The following SECISBP2L variants were observed in gnomAD, a reference collection of about 807,000 sequenced individuals.
SECISBP2L encodes the protein SECIS binding protein 2 like.
In SECISBP2L, 43 loss-of-function variants were observed where a neutral mutation model predicts 114.7. The ratio of observed to expected loss-of-function variants is 0.38; its 90% CI spans 0.29 to 0.48. SECISBP2L has a LOEUF of 0.48. SECISBP2L is among the 20% of genes least tolerant of loss of function. The probability of loss-of-function intolerance (pLI) is 0.98; values close to 1 mark genes in which losing one functional copy is unlikely to be tolerated. For missense variants in SECISBP2L, 1,136 were observed against 1,301.1 expected, an observed-to-expected ratio of 0.87 and a Z score of 1.95; for synonymous variants, 451 against 439.7, an observed-to-expected ratio of 1.03 and a Z score of -0.32.
intron 12 of SECISBP2L, 77 bp from the exon 13 acceptor site, chr15:49,011,940 C>T: frequency 6.6e-7 from 1 of 1,512,970 alleles, no homozygotes; most frequent in Non-Finnish European, 9.1e-7. Flanking sequence ...TACATTATAA[C>T]ACAGGTATGG....
intron 12 of SECISBP2L, 97 bp downstream of exon 12, chr15:49,012,551 C>T (rs1902456719): frequency 2.4e-6 from 3 of 1,256,738 alleles, no homozygotes. Flanking sequence ...CTTCTCACAA[C>T]AATCTGTTGG....
intron 7 of SECISBP2L, among the ~76,000 whole-genome samples, chr15:49,022,494 G>C (rs1265663571): frequency 6.6e-6 from 1 of 151,920 alleles, no homozygotes; most frequent in Non-Finnish European, 1.5e-5. Context: ...AGCTACTTGG[G>C]AGGAGGCTGA....
chr15:49,037,800 C>A (rs766547056), intron 1 of SECISBP2L, 31 bp from the exon 2 acceptor site: 28 of 1,548,632 alleles, frequency 1.8e-5, no homozygotes, highest in Non-Finnish European at 2.3e-5. Context: ...ACATTAATAA[C>A]AAATGAGCAA....
Position 49,027,350 on chromosome 15 carries a change from C to A in SECISBP2L, c.1035+15G>T. 2 of 1,582,252 alleles carry A rather than the reference C, an allele frequency of 1.3e-6. No homozygotes were observed. The highest frequency in any genetic ancestry group is 1.7e-6 in the Non-Finnish European group (2 of 1,152,852). Reference sequence around the variant, plus strand: ...CTCATACCTAATCAATTTTCTCCAACCTAATTCGAATTACCTGTGAATTAT... The same window carrying A: ...CTCATACCTAATCAATTTTCTCCAAACTAATTCGAATTACCTGTGAATTAT... On this transcript the variant is annotated intron_variant, in intron 7 of 17. Coordinates refer to ENST00000559471, the MANE Select transcript of SECISBP2L (RefSeq NM_001193489.2).
At chr15:49,006,317 T>C (rs1170870491) in intron 14 of SECISBP2L, among the ~76,000 whole-genome samples, 1 of 152,230 alleles carries the variant, frequency 6.6e-6, no homozygotes, top group Non-Finnish European at 1.5e-5. Flanking sequence ...GGGGAAGTTC[T>C]CCTGGATAAT....
intron 14 of SECISBP2L, among the ~76,000 whole-genome samples, chr15:49,007,953 G>C (rs973800094): frequency 6.6e-6 from 1 of 152,188 alleles, no homozygotes; most frequent in African/African-American, 2.4e-5. Context: ...CAAAGCAAAT[G>C]AGTAGGGCTC....
rs147547008 is a variant in SECISBP2L at position 49,037,272 on chromosome 15, CAAAAAAAAAAAAAAAAA to C, written c.203+302_203+318del. 9.5e-4 allele frequency: 72 copies of C among 75,996 alleles called. 1 individual carries two copies. The highest frequency in any genetic ancestry group is 3.4e-3 in the African/African-American group (54 of 15,958). 4.7% of individuals were successfully genotyped at this position (75,996 alleles called of 1,614,324 possible). Reference sequence around the variant, plus strand: ...AACTATGAGATTAGATGTTCAATCTCAAAAAAAAAAAAAAAAAAAAAAAAAAAAAAAGGTTTTTGTTC... The same window carrying C: ...AACTATGAGATTAGATGTTCAATCTCAAAAAAAAAAAAAAGGTTTTTGTTC... On this transcript the variant is annotated intron_variant, in intron 2 of 17. Coordinates refer to ENST00000559471, the MANE Select transcript of SECISBP2L (RefSeq NM_001193489.2).
intron 4 of SECISBP2L, among the ~76,000 whole-genome samples, chr15:49,032,177 T>C (rs1170383893): frequency 6.6e-6 from 1 of 152,206 alleles, no homozygotes; most frequent in African/African-American, 2.4e-5. Context: ...CAGACTTCAT[T>C]TGAATGGAGG....
At position 49,033,047 on chromosome 15, in the gene SECISBP2L, T is replaced by G; in HGVS notation, c.582A>C (p.Val194=). The change falls in exon 4 of 18, where the codon GTA becomes GTC. Residue 194 remains valine, a synonymous_variant. Coordinates refer to ENST00000559471, the MANE Select transcript of SECISBP2L (RefSeq NM_001193489.2). The part of the protein sequence containing the change: ...IKSKRPLVKN[V]ATQKETNAAG... Reference sequence around the variant, plus strand: ...CTGCATTTGTTTCTTTCTGAGTAGCTACATTTTTCACCAGCGGCCTTTTGC... The same window carrying G: ...CTGCATTTGTTTCTTTCTGAGTAGCGACATTTTTCACCAGCGGCCTTTTGC... 6.2e-7 allele frequency: 1 copy of G among 1,614,132 alleles called. No individual in the cohort carries two copies. The highest frequency in any genetic ancestry group is 1.1e-5 in the South Asian group (1 of 91,086).
intron 9 of SECISBP2L, 110 bp downstream of exon 9, chr15:49,017,438 C>A: frequency 1.4e-6 from 1 of 707,950 alleles, no homozygotes; most frequent in Non-Finnish European, 2.4e-6. Flanking sequence ...CCATCTCCTG[C>A]ACACTCTGCT....
chr15:49,033,524 G>A (rs1416851118), intron 3 of SECISBP2L, among the ~76,000 whole-genome samples: 1 of 152,060 alleles, frequency 6.6e-6, no homozygotes, highest in South Asian at 2.1e-4. Flanking sequence ...CTGCTTCAGA[G>A]TTCAAAATGA....
intron 17 of SECISBP2L, chr15:48,996,099 T>C: frequency 5.3e-6 from 2 of 379,196 alleles, no homozygotes; most frequent in Non-Finnish European, 9.6e-6. Flanking sequence ...TAGTGATAGG[T>C]CACAAGTATG....
chr15:49,003,851 T>C lies in SECISBP2L; in HGVS notation c.2028-2754A>G, dbSNP rs539949582. Among the ~76,000 whole-genome samples, 62 of 152,346 alleles carry C rather than the reference T, an allele frequency of 4.1e-4. 1 individual carries two copies. The highest frequency in any genetic ancestry group is 1.4e-3 in the Admixed American group (21 of 15,306). On this transcript the variant is annotated intron_variant, in intron 14 of 17. Coordinates refer to ENST00000559471, the MANE Select transcript of SECISBP2L (RefSeq NM_001193489.2). Reference sequence around the variant, plus strand: ...CTAAATTCGGTTTGCCAGTATTTTATTGAGGATTTCCGCATCGATGTTCAT... The same window carrying C: ...CTAAATTCGGTTTGCCAGTATTTTACTGAGGATTTCCGCATCGATGTTCAT...
At chr15:48,995,212 G>C (rs1047485991) in intron 17 of SECISBP2L, among the ~76,000 whole-genome samples, 1 of 152,180 alleles carries the variant, frequency 6.6e-6, no homozygotes, top group Non-Finnish European at 1.5e-5. Context: ...GCTTGCCTTT[G>C]AGATGCGGCA....
chr15:48,993,100 A>AGAGAGTGTGTGTGTGTGTGTGTGTGTGT (rs772299775), intron 17 of SECISBP2L, among the ~76,000 whole-genome samples, 174 bp from the exon 18 acceptor site: 1 of 139,130 alleles, frequency 7.2e-6, no homozygotes, highest in African/African-American at 2.8e-5. Context: ...ACAGAGAGAG[A>AGAGAGTGTGTGTGTGTGTGTGTGTGTGT]GTGTGTGTGT....
In SECISBP2L at chr15:48,996,436, C is replaced by T. The variant is rs1171122076; in HGVS notation, c.2554G>A (p.Ala852Thr). Reference protein sequence around the residue: ...HHMGHSRNPSAASAISFCSVI... With the variant: ...HHMGHSRNPSTASAISFCSVI... Reference sequence around the variant, plus strand: ...CTGCAGAAAGAAATGGCACTTGCTGCAGAGGGATTCCGAGAATGTCCCATG... The same window carrying T: ...CTGCAGAAAGAAATGGCACTTGCTGTAGAGGGATTCCGAGAATGTCCCATG... The change falls in exon 17 of 18, where the codon GCA (alanine) becomes ACA (threonine). Residue 852 changes from alanine (A) to threonine (T), a missense_variant. Coordinates refer to ENST00000559471, the MANE Select transcript of SECISBP2L (RefSeq NM_001193489.2). 1.2e-6 allele frequency: 2 copies of T among 1,614,108 alleles called. No individual in the cohort carries two copies. Among genetic ancestry groups the T allele is most frequent in the Non-Finnish European group, 1.7e-6 (2 of 1,180,006 alleles).
In SECISBP2L at chr15:49,028,667, A is replaced by G; in HGVS notation, c.680T>C (p.Ile227Thr). Residue 227 changes from isoleucine (I) to threonine (T), a missense_variant, in exon 5 of 18, where the codon ATC becomes ACC. Physicochemically the swap from Ile to Thr is moderately conservative, Grantham distance 89 (BLOSUM62 -1). Transcript: ENST00000559471. ...ASQQTDFPSD[I>T]ANKSLSETTA... ...GGTCTCTGAGAGAGACTTGTTAGCG[A>G]TATCTGATGGGAAATCTACAAAGGC... 2 of 1,613,878 alleles carry G rather than the reference A, an allele frequency of 1.2e-6. No homozygotes were observed. The highest frequency in any genetic ancestry group is 1.3e-5 in the African/African-American group (1 of 75,010).
chr15:49,026,233 G>C (rs958665659), intron 7 of SECISBP2L, among the ~76,000 whole-genome samples: 3 of 152,148 alleles, frequency 2.0e-5, no homozygotes, highest in Non-Finnish European at 4.4e-5. Context: ...GGTTGAGGGA[G>C]AGGGATAGGG....
Position 49,037,676 on chromosome 15 carries a change from C to T in SECISBP2L, c.118G>A (p.Gly40Arg), listed in dbSNP as rs1268512114. ...MIPMALPNDN[G>R]SVSGVEPTPI... ...GTTGGTTCCACACCAGAAACACTTC[C>T]ATTATCATTTGGGAGAGCCATAGGG... is the stretch of plus-strand genomic sequence containing the variant. The change falls in exon 2 of 18, where the codon GGA becomes AGA. Residue 40 changes from glycine (G) to arginine (R), a missense_variant. By Grantham distance (125) the Gly-to-Arg change is moderately radical. This residue lies in a region of SECISBP2L where 452 missense variants were observed against 452.3 expected (regional missense o/e 1.00). Transcript: ENST00000559471. The T allele has an allele frequency of 3.7e-6, 6 of 1,613,898 alleles. No individual in the cohort carries two copies. The highest frequency in any genetic ancestry group is 5.1e-6 in the Non-Finnish European group (6 of 1,179,864).
Sources: allele counts gnomAD v4.1 joint callset (sites outside exome capture counted in the v4.1 genomes callset), GRCh38; gene constraint gnomAD v4.1.1; regional missense constraint gnomAD v4.1.1; transcripts MANE v1.5; gene names NCBI Gene and HGNC (gene_info 2026-07-23, HGNC 2026-07-21).